Variants in CDH11 observed in about 807,000 individuals in gnomAD.
CDH11 encodes the protein cadherin-11.
CDH11 carries 11 observed loss-of-function variants against 67.8 expected under a neutral mutation model. The observed-to-expected ratio is 0.16, with a 90% confidence interval of 0.10 to 0.27. CDH11 has a LOEUF of 0.27. Among genes scored for constraint, CDH11 ranks in the 10% least tolerant of loss-of-function variants. The probability of loss-of-function intolerance (pLI) is 1.00; values close to 1 mark genes in which losing one functional copy is unlikely to be tolerated. For synonymous variants in CDH11, 419 were observed against 400.0 expected, an observed-to-expected ratio of 1.05 and a Z score of -0.57; for missense variants, 847 against 1,031.2, an observed-to-expected ratio of 0.82 and a Z score of 2.45.
At chr16:65,090,991 G>A (rs1177853899) in intron 1 of CDH11, among the ~76,000 whole-genome samples, 1 of 152,108 alleles carries the variant, frequency 6.6e-6, no homozygotes, top group African/African-American at 2.4e-5. Context: ...CCAGCCCTAG[G>A]CAACTGCTGC....
intron 12 of CDH11, among the ~76,000 whole-genome samples, chr16:64,949,756 A>G (rs1285733323): frequency 1.3e-5 from 2 of 151,888 alleles, no homozygotes; most frequent in African/African-American, 4.8e-5. Context: ...CTGTCCTCCA[A>G]CCATCTTGTG....
upstream of CDH11, among the ~76,000 whole-genome samples, chr16:65,122,822 C>T (rs1309051306): frequency 6.6e-6 from 1 of 152,162 alleles, no homozygotes. Context: ...AGCGCTTCGC[C>T]GGGGTCGGCC....
chr16:65,081,843 G>C (rs2074616487), intron 1 of CDH11, among the ~76,000 whole-genome samples: 1 of 152,088 alleles, frequency 6.6e-6, no homozygotes, highest in Non-Finnish European at 1.5e-5. Context: ...AATTTTTGTT[G>C]GAAACATAGA....
In CDH11 at chr16:64,966,585, C is replaced by T. The variant is rs140437748; in HGVS notation, c.1642+4994G>A. Among the ~76,000 whole-genome samples, 593 of 151,812 alleles carry T rather than the reference C, an allele frequency of 3.9e-3. 4 individuals are homozygous for T. Among genetic ancestry groups the T allele is most frequent in the African/African-American group, 0.014 (572 of 41,430 alleles). Reference sequence around the variant, plus strand: ...AAAAATGTAGAAGACAATAAAGATACCCTTACAAAGCAGTGAGACATGACT... The same window carrying T: ...AAAAATGTAGAAGACAATAAAGATATCCTTACAAAGCAGTGAGACATGACT... On this transcript the variant is annotated intron_variant, in intron 11 of 12. Coordinates refer to ENST00000268603, the MANE Select transcript of CDH11 (RefSeq NM_001797.4).
chr16:65,078,253 G>A (rs1486174196), intron 1 of CDH11, among the ~76,000 whole-genome samples: 1 of 152,152 alleles, frequency 6.6e-6, no homozygotes, highest in Non-Finnish European at 1.5e-5. Context: ...TTGCCCTCAC[G>A]CTGCTATTTC....
At chr16:65,040,576 G>A (rs2073849011) in intron 2 of CDH11, among the ~76,000 whole-genome samples, 1 of 152,002 alleles carries the variant, frequency 6.6e-6, no homozygotes, top group African/African-American at 2.4e-5. Flanking sequence ...GGAGGAGGGA[G>A]GGATGGCATT....
At chr16:64,952,510 C>G (rs1328590789) in intron 11 of CDH11, among the ~76,000 whole-genome samples, 1 of 152,182 alleles carries the variant, frequency 6.6e-6, no homozygotes, top group Non-Finnish European at 1.5e-5. Context: ...CTTTTGTAGC[C>G]TCTGCCCCCA....
intron 7 of CDH11, among the ~76,000 whole-genome samples, chr16:64,983,940 T>A (rs2072419836): frequency 6.6e-6 from 1 of 152,236 alleles, no homozygotes. Context: ...CAGAAACTTT[T>A]GTACTTGGTT....
chr16:65,056,323 C>G (rs1289085549), intron 1 of CDH11, among the ~76,000 whole-genome samples: 1 of 152,166 alleles, frequency 6.6e-6, no homozygotes, highest in African/African-American at 2.4e-5. Flanking sequence ...AGGTGCCAGA[C>G]AGGTGACTAA....
chr16:65,001,262 TGTC>T (rs1341111964), intron 3 of CDH11, among the ~76,000 whole-genome samples: 1 of 152,240 alleles, frequency 6.6e-6, no homozygotes, highest in African/African-American at 2.4e-5. Context: ...AACAATGTGT[TGTC>T]GTGAAATTAT....
intron 1 of CDH11, among the ~76,000 whole-genome samples, chr16:65,056,310 C>T (rs1248163704): frequency 6.6e-6 from 1 of 152,162 alleles, no homozygotes; most frequent in Non-Finnish European, 1.5e-5. Flanking sequence ...GCCTTCCAAG[C>T]TGAGGTGCCA....
At chr16:64,954,837 G>A (rs2071462040) in intron 11 of CDH11, among the ~76,000 whole-genome samples, 1 of 151,934 alleles carries the variant, frequency 6.6e-6, no homozygotes, top group Non-Finnish European at 1.5e-5. Flanking sequence ...TGGCATGGTG[G>A]CTCATGCCTG....
chr16:65,075,310 ACT>A (rs1406013392), intron 1 of CDH11, among the ~76,000 whole-genome samples: 5 of 152,106 alleles, frequency 3.3e-5, no homozygotes, highest in African/African-American at 1.2e-4. Context: ...GGATTAGAGG[ACT>A]CTGCATGTGG....
At chr16:65,082,388 C>G (rs1189129643) in intron 1 of CDH11, among the ~76,000 whole-genome samples, 2 of 152,130 alleles carry the variant, frequency 1.3e-5, no homozygotes, top group Non-Finnish European at 2.9e-5. Context: ...GAAACAAGTG[C>G]CAGGTAGTGT....
intron 1 of CDH11, among the ~76,000 whole-genome samples, chr16:65,100,418 T>A (rs1027985141): frequency 5.3e-5 from 8 of 151,618 alleles, no homozygotes; most frequent in African/African-American, 1.7e-4. Flanking sequence ...AAAAAAAAAA[T>A]TCCTTTTTCA....
chr16:65,043,046 A>G (rs1355998478), intron 2 of CDH11, among the ~76,000 whole-genome samples: 5 of 152,194 alleles, frequency 3.3e-5, no homozygotes, highest in Non-Finnish European at 7.3e-5. Context: ...GGTGACCAGA[A>G]TGCTCTGAAA....
chr16:65,098,468 T>C (rs557411728), intron 1 of CDH11, among the ~76,000 whole-genome samples: 34 of 152,258 alleles, frequency 2.2e-4, no homozygotes, highest in African/African-American at 7.5e-4. Context: ...ATTACCCTCA[T>C]TTGTCTATGA....
chr16:64,974,645 T>C (rs1700934637), intron 8 of CDH11, among the ~76,000 whole-genome samples: 1 of 152,230 alleles, frequency 6.6e-6, no homozygotes, highest in African/African-American at 2.4e-5. Context: ...CCTTGCACAG[T>C]GACAAAACCA....
intron 2 of CDH11, among the ~76,000 whole-genome samples, chr16:65,049,398 C>T (rs565085180): frequency 7.2e-5 from 11 of 152,196 alleles, no homozygotes; most frequent in Non-Finnish European, 1.5e-4. Context: ...CATCGCTCAT[C>T]GGTGGTCCTC....
Sources: gnomAD v4.1 joint callset for allele counts (sites outside exome capture counted in the v4.1 genomes callset) on GRCh38, gnomAD v4.1.1 for gene constraint, MANE v1.5 for transcripts, NCBI Gene and HGNC (gene_info 2026-07-23, HGNC 2026-07-21) for gene names.